The following CCDC148 variants were observed in gnomAD, a reference collection of about 807,000 sequenced individuals.
CCDC148 encodes coiled-coil domain containing 148.
A neutral mutation model predicts 85.7 loss-of-function variants in CCDC148; 89 were observed. That is an observed-to-expected ratio of 1.04 (90% confidence interval 0.87 to 1.24). The LOEUF is 1.24. Among genes scored for constraint, CCDC148 ranks in the 50% most tolerant of loss-of-function variants. The pLI, the probability that CCDC148 is intolerant of heterozygous loss-of-function variation, is 0.00. For synonymous variants in CCDC148, 230 were observed against 213.9 expected (o/e 1.08, Z -0.66); for missense variants, 692 against 671.7 (o/e 1.03, Z -0.33).
intron 1 of CCDC148, among the ~76,000 whole-genome samples, chr2:158,405,657 A>G (rs1183965497): frequency 2.0e-5 from 3 of 152,184 alleles, no homozygotes; most frequent in Admixed American, 6.5e-5. Context: ...TTGGTTAATT[A>G]GCATTAAACA....
At chr2:158,245,185 T>C (rs1336743371) in intron 10 of CCDC148, among the ~76,000 whole-genome samples, 1 of 152,164 alleles carries the variant, frequency 6.6e-6, no homozygotes, top group African/African-American at 2.4e-5. Flanking sequence ...TTTATGACAG[T>C]CTACTGGTTT....
chr2:158,388,887 G>A (rs897423077), intron 1 of CCDC148, among the ~76,000 whole-genome samples: 9 of 152,102 alleles, frequency 5.9e-5, no homozygotes, highest in African/African-American at 2.2e-4. Flanking sequence ...GAAGACATCT[G>A]GTGTCAAAAA....
chr2:158,421,608 T>C lies in CCDC148; in HGVS notation c.25+34807A>G, dbSNP rs147342180. ...AAAGCAGTGTGTAGAGGGAAATTTA[T>C]AGCACTAAATGCCCACAAGAGAAAG... On this transcript the variant is annotated intron_variant, in intron 1 of 13. Coordinates refer to ENST00000283233, the MANE Select transcript of CCDC148 (RefSeq NM_138803.4). 1.2e-3 allele frequency among the ~76,000 whole-genome samples: 177 copies of C among 152,306 alleles called. 3 individuals carry two copies. In the East Asian group the frequency reaches 0.032, roughly 28 times the overall value.
At chr2:158,409,536 G>A (rs1352228425) in intron 1 of CCDC148, among the ~76,000 whole-genome samples, 2 of 152,186 alleles carry the variant, frequency 1.3e-5, no homozygotes, top group Non-Finnish European at 2.9e-5. Context: ...TTAAATGGCT[G>A]TATTTATCCA....
chr2:158,355,131 G>A (rs1432423667), intron 2 of CCDC148, among the ~76,000 whole-genome samples: 1 of 151,212 alleles, frequency 6.6e-6, no homozygotes, highest in Admixed American at 6.6e-5. Flanking sequence ...CATACTGAAT[G>A]GGCAAAAACT....
chr2:158,308,745 C>T (rs1691817608), intron 9 of CCDC148, among the ~76,000 whole-genome samples: 1 of 152,186 alleles, frequency 6.6e-6, no homozygotes. Flanking sequence ...AGGACTCATG[C>T]ACTGTGACCC....
At position 158,284,174 on chromosome 2, in the gene CCDC148, T is replaced by A. The variant is rs375371615; in HGVS notation, c.1110+25259A>T. ...TAGCATTGGGAGATATACCTAATGC[T>A]AGATGACGAGTTAGTGGGTGAAGCG... On this transcript the variant is annotated intron_variant, in intron 9 of 13. Transcript: ENST00000283233. Among the ~76,000 whole-genome samples, 8 of 151,168 alleles carry A rather than the reference T, an allele frequency of 5.3e-5. No homozygotes were observed. The South Asian group carries it at 1.5e-3, about 28-fold the overall frequency.
intron 1 of CCDC148, among the ~76,000 whole-genome samples, chr2:158,441,209 G>A (rs981011866): frequency 7.2e-5 from 11 of 152,100 alleles, no homozygotes; most frequent in East Asian, 1.9e-4. Context: ...AGTGGATCAC[G>A]CTACAGTCCC....
chr2:158,277,331 T>C (rs560824436), intron 9 of CCDC148, among the ~76,000 whole-genome samples: 5 of 152,204 alleles, frequency 3.3e-5, no homozygotes, highest in Non-Finnish European at 7.4e-5. Flanking sequence ...CTACATTTCC[T>C]TGAGGTGATA....
chr2:158,443,790 T>C (rs17492869), intron 1 of CCDC148, among the ~76,000 whole-genome samples: 55,391 of 151,946 alleles, frequency 0.36, 11,336 homozygotes, highest in East Asian at 0.6. Flanking sequence ...GCCATAGAGA[T>C]TGAATGCCCT....
Position 158,263,321 on chromosome 2 carries a change from C to T in CCDC148, c.1111-12409G>A, listed in dbSNP as rs146258368. Among the ~76,000 whole-genome samples, 462 of 152,102 alleles carry T rather than the reference C, an allele frequency of 3.0e-3. 4 individuals are homozygous for T. The highest frequency in any genetic ancestry group is 0.01 in the African/African-American group (426 of 41,520). The stretch of plus-strand genomic sequence containing the variant: ...ACCTACCTGTTCTTTTTACCTCCCA[C>T]GGAAACTATTGCAATGGCTGGCACA... On this transcript the variant is annotated intron_variant, in intron 9 of 13. Coordinates refer to ENST00000283233, the MANE Select transcript of CCDC148 (RefSeq NM_138803.4).
At chr2:158,247,812 C>A (rs991346398) in intron 10 of CCDC148, among the ~76,000 whole-genome samples, 5 of 152,030 alleles carry the variant, frequency 3.3e-5, no homozygotes, top group Non-Finnish European at 5.9e-5. Flanking sequence ...GCCAAGATCA[C>A]GCCATTGCAC....
intron 9 of CCDC148, among the ~76,000 whole-genome samples, chr2:158,281,310 A>C (rs1690282826): frequency 6.6e-6 from 1 of 152,174 alleles, no homozygotes; most frequent in Non-Finnish European, 1.5e-5. Flanking sequence ...AGACACAAAA[A>C]ACCCTTCAAA....
At chr2:158,450,832 T>C (rs149944015) in intron 1 of CCDC148, among the ~76,000 whole-genome samples, 17 of 152,266 alleles carry the variant, frequency 1.1e-4, no homozygotes, top group African/African-American at 3.9e-4. Flanking sequence ...GATGTGTGGA[T>C]TAAGATTTTA....
At chr2:158,397,734 T>C (rs1685588995) in intron 1 of CCDC148, among the ~76,000 whole-genome samples, 1 of 152,124 alleles carries the variant, frequency 6.6e-6, no homozygotes, top group East Asian at 1.9e-4. Context: ...ATGGGTGAAA[T>C]AACCAGCTAA....
At chr2:158,181,861 A>C (rs956441660) in intron 11 of CCDC148, among the ~76,000 whole-genome samples, 7 of 151,740 alleles carry the variant, frequency 4.6e-5, no homozygotes, top group African/African-American at 1.7e-4. Context: ...ATCTGCTGTG[A>C]TATGCAGGAT....
rs1296556753 is a variant in CCDC148 at position 158,302,560 on chromosome 2, C to T, written c.1110+6873G>A. On this transcript the variant is annotated intron_variant, in intron 9 of 13. Transcript: ENST00000283233. ...CAGGACTTTGGGAGGCTCAGGTGGG[C>T]GGATCACAAGGTCAGGAGATCGAGA... Among the ~76,000 whole-genome samples the T allele has an allele frequency of 4.6e-5, 7 of 152,096 alleles. No homozygotes were observed. The South Asian group carries it at 6.2e-4, about 14-fold the overall frequency.
chr2:158,211,924 T>C (rs7568880), intron 11 of CCDC148, among the ~76,000 whole-genome samples: 143,197 of 152,236 alleles, frequency 0.94, 67,876 homozygotes, highest in Non-Finnish European at 1. Flanking sequence ...AGAACTACTA[T>C]GATAATATCC....
intron 9 of CCDC148, among the ~76,000 whole-genome samples, chr2:158,306,497 C>T (rs1574589587): frequency 6.6e-6 from 1 of 151,990 alleles, no homozygotes; most frequent in South Asian, 2.1e-4. Flanking sequence ...ACTATGCAGC[C>T]ATAAAAAAGG....
Sources: allele counts gnomAD v4.1 joint callset (sites outside exome capture counted in the v4.1 genomes callset), GRCh38; gene constraint gnomAD v4.1.1; transcripts MANE v1.5; gene names NCBI Gene and HGNC (gene_info 2026-07-23, HGNC 2026-07-21).